Variants in EPB41L1 observed in about 807,000 individuals in gnomAD.
EPB41L1 encodes erythrocyte membrane protein band 4.1 like 1.
A neutral mutation model predicts 97.8 loss-of-function variants in EPB41L1; 29 were observed. The observed-to-expected ratio is 0.30, with a 90% CI of 0.22 to 0.40. The LOEUF (loss-of-function observed/expected upper bound fraction) is 0.40, where lower values mean the gene tolerates loss of function less well. EPB41L1 is among the 10% of genes least tolerant of loss of function. EPB41L1 has a pLI of 1.00. For synonymous variants in EPB41L1, 383 were observed against 459.2 expected (o/e 0.83, Z 2.12); for missense variants, 812 against 1,162.3 (o/e 0.70, Z 4.38).
At chr20:36,126,251 C>T (rs1457082536) in intron 2 of EPB41L1, among the ~76,000 whole-genome samples, 5 of 152,162 alleles carry the variant, frequency 3.3e-5, no homozygotes, top group East Asian at 3.9e-4. Context: ...GCTTGGCCTC[C>T]TTTGGTGGTA....
chr20:36,124,121 G>C (rs2058862319), intron 2 of EPB41L1, among the ~76,000 whole-genome samples: 1 of 152,092 alleles, frequency 6.6e-6, no homozygotes, highest in Admixed American at 6.5e-5. Context: ...CGGGTGTGGT[G>C]GTGGGCGCCT....
intron 18 of EPB41L1, among the ~76,000 whole-genome samples, chr20:36,219,423 A>C (rs766874217): frequency 3.9e-5 from 6 of 152,104 alleles, no homozygotes; most frequent in Non-Finnish European, 7.4e-5. Context: ...GAGAGCGTGC[A>C]CCTGGCTATG....
intron 1 of EPB41L1, among the ~76,000 whole-genome samples, chr20:36,157,324 C>T (rs1228527697): frequency 1.3e-5 from 2 of 152,194 alleles, no homozygotes; most frequent in Non-Finnish European, 2.9e-5. Flanking sequence ...TTACTGTATG[C>T]CATGTACTGC....
At chr20:36,185,093 A>G in intron 6 of EPB41L1, 24 bp from the exon 7 acceptor site, 1 of 1,610,962 alleles carries the variant, frequency 6.2e-7, no homozygotes, top group Non-Finnish European at 8.5e-7. Context: ...CCCTGTGCCC[A>G]TGCTGGCTCT....
Position 36,173,945 on chromosome 20 carries a change from T to C in EPB41L1, c.168T>C (p.Pro56=). Residue 56 remains proline, a synonymous_variant, in exon 2 of 22, where the codon CCT becomes CCC. Transcript: ENST00000338074. ...ATCCATCCCAGCAGGACACGCGGCC[T>C]GCTGAACAGGTGTGTGCCCGAGAGC... ...EKHPSQQDTR[P]AEQSLDMEEK... 1 of 1,612,960 alleles carries C rather than the reference T, an allele frequency of 6.2e-7. No homozygotes were observed. The highest frequency in any genetic ancestry group is 8.5e-7 in the Non-Finnish European group (1 of 1,179,446).
chr20:36,150,264 T>C (rs1366732206), upstream of EPB41L1: 1 of 152,082 alleles, frequency 6.6e-6, no homozygotes, highest in Non-Finnish European at 1.5e-5. Flanking sequence ...AGAGATGGGG[T>C]TTTACCATGT....
chr20:36,118,330 C>T (rs2058650522), intron 2 of EPB41L1, among the ~76,000 whole-genome samples: 1 of 151,750 alleles, frequency 6.6e-6, no homozygotes, highest in Admixed American at 6.6e-5. Flanking sequence ...TGCACTCCAG[C>T]CTGGACTACA....
At chr20:36,137,403 T>C (rs1280299331) in intron 2 of EPB41L1, among the ~76,000 whole-genome samples, 1 of 151,568 alleles carries the variant, frequency 6.6e-6, no homozygotes, top group Non-Finnish European at 1.5e-5. Flanking sequence ...TTTTTTTGGA[T>C]ACAGATTGGG....
chr20:36,155,935 T>G (rs1422782988), intron 1 of EPB41L1, among the ~76,000 whole-genome samples: 1 of 133,050 alleles, frequency 7.5e-6, no homozygotes, highest in African/African-American at 2.8e-5. Context: ...ATTAGGAGCC[T>G]TCCAGAATCA....
At chr20:36,189,961 G>A (rs1022163216) in intron 9 of EPB41L1, among the ~76,000 whole-genome samples, 2 of 152,136 alleles carry the variant, frequency 1.3e-5, no homozygotes, top group Non-Finnish European at 1.5e-5. Flanking sequence ...GAGGTGGGAG[G>A]ACTGCTTGAG....
At position 36,173,766 on chromosome 20, in the gene EPB41L1, G is replaced by T. The variant is rs1229945940; in HGVS notation, c.-12G>T. 2.5e-6 allele frequency: 4 copies of T among 1,614,008 alleles called. No individual in the cohort carries two copies. Among genetic ancestry groups the T allele is most frequent in the Non-Finnish European group, 3.4e-6 (4 of 1,179,930 alleles). On this transcript the variant is annotated splice_region_variant and 5_prime_UTR_variant, in exon 2 of 22. Transcript: ENST00000338074. ...TGATCTCCTTCATGCCAATGCAGGC[G>T]TGCTGGTCACCATGACAACAGAGAC...
At chr20:36,200,366 A>C (rs2062432037) in intron 14 of EPB41L1, among the ~76,000 whole-genome samples, 1 of 152,192 alleles carries the variant, frequency 6.6e-6, no homozygotes, top group African/African-American at 2.4e-5. Flanking sequence ...GGGCATCCTG[A>C]AGATGCCTGT....
intron 2 of EPB41L1, among the ~76,000 whole-genome samples, chr20:36,147,560 CAAG>C (rs760837172): frequency 4.6e-5 from 7 of 152,196 alleles, no homozygotes; most frequent in Non-Finnish European, 7.4e-5. Flanking sequence ...CCTGTAAAAT[CAAG>C]GTGGATCTAT....
At chr20:36,146,429 C>T (rs142762538) in intron 2 of EPB41L1, among the ~76,000 whole-genome samples, 1,862 of 152,338 alleles carry the variant, frequency 0.012, 34 homozygotes, top group African/African-American at 0.043. Flanking sequence ...ATAAAAGCCA[C>T]AGAGGGCCCA....
At chr20:36,102,704 T>C (rs904333890) in intron 1 of EPB41L1, among the ~76,000 whole-genome samples, 4 of 152,202 alleles carry the variant, frequency 2.6e-5, no homozygotes, top group Non-Finnish European at 5.9e-5. Context: ...ATCTTCCATC[T>C]TCAGAGATTC....
At chr20:36,122,890 A>G (rs931647284) in intron 2 of EPB41L1, 4 of 152,148 alleles carry the variant, frequency 2.6e-5, no homozygotes, top group African/African-American at 9.7e-5. Flanking sequence ...CCATCCCTGA[A>G]CAAACGATAG....
At chr20:36,222,508 C>T in intron 21 of EPB41L1, 114 bp downstream of exon 21, 1 of 814,226 alleles carries the variant, frequency 1.2e-6, no homozygotes, top group South Asian at 1.5e-5. Context: ...GCAGCTTTGA[C>T]CCTCCCCCCA....
chr20:36,128,354 C>T (rs1427414431), intron 2 of EPB41L1, among the ~76,000 whole-genome samples: 1 of 152,174 alleles, frequency 6.6e-6, no homozygotes, highest in African/African-American at 2.4e-5. Context: ...TGAGGTGCCC[C>T]AGGCCGGGCC....
intron 17 of EPB41L1, among the ~76,000 whole-genome samples, chr20:36,216,176 A>G (rs1400663369): frequency 6.6e-6 from 1 of 152,182 alleles, no homozygotes; most frequent in East Asian, 1.9e-4. Flanking sequence ...GAGGACAGCT[A>G]TGGGGTGACA....
Sources: allele counts gnomAD v4.1 joint callset (sites outside exome capture counted in the v4.1 genomes callset), GRCh38; gene constraint gnomAD v4.1.1; transcripts MANE v1.5; gene names NCBI Gene and HGNC (gene_info 2026-07-23, HGNC 2026-07-21).